The following GPS1 variants were observed in gnomAD, a reference collection of about 807,000 sequenced individuals.
GPS1 encodes the protein G protein pathway suppressor 1, also known as COP9 signalosome complex subunit 1.
A neutral mutation model predicts 60.0 loss-of-function variants in GPS1; 11 were observed. The observed-to-expected ratio is 0.18, with a 90% CI of 0.12 to 0.30. The LOEUF is 0.30. GPS1 is among the 10% of genes least tolerant of loss of function. The pLI, the probability that GPS1 is intolerant of heterozygous loss-of-function variation, is 1.00. For missense variants in GPS1, 543 were observed against 669.2 expected (o/e 0.81, Z 2.08); for synonymous variants, 343 against 269.8 (o/e 1.27, Z -2.66).
intron 3 of GPS1, 147 bp downstream of exon 3, chr17:82,054,196 G>C (rs2031916421): frequency 3.3e-6 from 3 of 901,668 alleles, no homozygotes; most frequent in Non-Finnish European, 4.9e-6. Flanking sequence ...TTGGCCAGCA[G>C]TGGAAGTGCC....
At chr17:82,052,381 G>A (rs1395842537) in intron 1 of GPS1, 26 of 1,612,184 alleles carry the variant, frequency 1.6e-5, no homozygotes, top group Non-Finnish European at 2.2e-5. Flanking sequence ...ACAGCAGTAG[G>A]TCAGACCTCG....
At chr17:82,052,309 G>A (rs2030947765) in intron 1 of GPS1, 1 of 1,612,852 alleles carries the variant, frequency 6.2e-7, no homozygotes, top group Admixed American at 1.7e-5. Context: ...AGGACAGAAT[G>A]AGGGATAGCT....
chr17:82,056,670 G>C lies in GPS1; in HGVS notation c.1158G>C (p.Ala386=), dbSNP rs751639137. The C allele has an allele frequency of 1.2e-6, 2 of 1,603,234 alleles. No individual in the cohort carries two copies. The highest frequency in any genetic ancestry group is 2.2e-5 in the South Asian group (2 of 89,830). Residue 386 remains alanine (A), a synonymous_variant, in exon 11 of 13, where the codon GCG becomes GCC. Coordinates refer to ENST00000578552, the MANE Select transcript of GPS1 (RefSeq NM_001321092.3). ...PYVSADMHRM[A]AAFNTTVAAL... is the part of the protein sequence containing the mutation. ...TGTCAGCCGACATGCATAGGATGGC[G>C]GCAGCCTTCAATACCACGGTGGCCG...
chr17:82,052,453 C>G, intron 1 of GPS1: 1 of 1,611,074 alleles, frequency 6.2e-7, no homozygotes, highest in Non-Finnish European at 8.5e-7. Flanking sequence ...GTACGCTGCT[C>G]TACGAGGTAC....
intron 1 of GPS1, chr17:82,052,716 A>G: frequency 1.9e-6 from 1 of 520,950 alleles, no homozygotes; most frequent in Non-Finnish European, 3.5e-6. Context: ...CTTTGTGTTA[A>G]GCCGAGGTCC....
intron 3 of GPS1, 24 bp from the exon 4 acceptor site, chr17:82,054,486 C>T: frequency 6.8e-7 from 1 of 1,479,284 alleles, no homozygotes; most frequent in Non-Finnish European, 8.9e-7. Flanking sequence ...CCGCCGCCAT[C>T]CTGATGGCCA....
Position 82,051,900 on chromosome 17 carries a change from T to C in GPS1, c.-32T>C. The C allele has an allele frequency of 8.6e-7, 1 of 1,156,284 alleles. No individual in the cohort carries two copies. Among genetic ancestry groups the C allele is most frequent in the East Asian group, 3.9e-5 (1 of 25,472 alleles). The allele number at this position is 1,156,284 out of a possible 1,614,324, so 71.6% of individuals were successfully genotyped here. ...AGCGACGGCTTCGCTGCCCCGGAAG[T>C]GGACGGCACGCCGCGGCGGGGTGGG... On this transcript the variant is annotated 5_prime_UTR_variant, in exon 1 of 13. Coordinates refer to ENST00000578552, the MANE Select transcript of GPS1 (RefSeq NM_001321092.3). This position sits in a 1 kb window ranked among gnomAD's most constrained non-coding sequence, Gnocchi z 4.1.
intron 2 of GPS1, 61 bp downstream of exon 2, chr17:82,053,427 C>T: frequency 8.3e-7 from 1 of 1,199,662 alleles, no homozygotes; most frequent in Middle Eastern, 2.1e-4. Context: ...CCAGGGCACA[C>T]TCCCCGCTGC....
At chr17:82,052,123 C>G in intron 1 of GPS1, 159 bp downstream of exon 1, 2 of 904,334 alleles carry the variant, frequency 2.2e-6, no homozygotes, top group Non-Finnish European at 2.9e-6. Flanking sequence ...GCTGCAGGGC[C>G]GAGGGCGCGT....
At chr17:82,052,872 C>G in intron 1 of GPS1, 1 of 247,454 alleles carries the variant, frequency 4.0e-6, no homozygotes, top group Admixed American at 5.1e-5. Flanking sequence ...CCTCCTGCCT[C>G]CTGGGGTTGA....
intron 2 of GPS1, 63 bp from the exon 3 acceptor site, chr17:82,053,805 C>T: frequency 6.6e-7 from 1 of 1,514,268 alleles, no homozygotes; most frequent in Non-Finnish European, 8.9e-7. Flanking sequence ...TCCTGACCCT[C>T]AGGGCCTGGG....
intron 3 of GPS1, 35 bp downstream of exon 3, chr17:82,054,084 C>A: frequency 6.3e-7 from 1 of 1,576,984 alleles, no homozygotes; most frequent in South Asian, 1.2e-5. Flanking sequence ...GAAGCAGAGG[C>A]CACCAAGGGA....
At chr17:82,056,137 C>T (rs752209115) in intron 8 of GPS1, 42 bp downstream of exon 8, 1 of 1,515,028 alleles carries the variant, frequency 6.6e-7, no homozygotes, top group East Asian at 2.3e-5. Flanking sequence ...TGTCCCCGTC[C>T]CTCTCCGTGG....
Position 82,057,353 on chromosome 17 carries a change from A to T in GPS1, c.*226A>T. The T allele has an allele frequency of 2.8e-6, 2 of 710,824 alleles. No homozygotes were observed. The highest frequency in any genetic ancestry group is 2.3e-4 in the Middle Eastern group (1 of 4,382). 44.0% of individuals were successfully genotyped at this position (710,824 alleles called of 1,614,324 possible). ...CTCGACCCTGTGGGTTTCTGTCCCC[A>T]GGGAGCAGACTGTGCGGCACCCAGG... On this transcript the variant is annotated 3_prime_UTR_variant, in exon 13 of 13. Coordinates refer to ENST00000578552, the MANE Select transcript of GPS1 (RefSeq NM_001321092.3).
chr17:82,052,431 G>T (rs2031021162), intron 1 of GPS1: 1 of 1,611,606 alleles, frequency 6.2e-7, no homozygotes, highest in African/African-American at 1.3e-5. Flanking sequence ...CTGAGCGCCA[G>T]CCTGTCGGCC....
chr17:82,055,188 C>T lies in GPS1; in HGVS notation c.714C>T (p.Thr238=). The T allele has an allele frequency of 6.4e-7, 1 of 1,560,690 alleles. No individual in the cohort carries two copies. The highest frequency in any genetic ancestry group is 1.2e-5 in the South Asian group (1 of 84,984). The change falls in exon 6 of 13, where the codon ACC becomes ACT. Residue 238 remains threonine, a synonymous_variant. Transcript: ENST00000578552. ...AEQRGERDSQ[T]QAILTKLKCA... is the part of the protein sequence containing the mutation. ...AGCGAGGAGAGCGTGACAGCCAGAC[C>T]CAGGCCATCCTCACCAAGCTCAAGT...
At chr17:82,053,596 A>G (rs909448250) in intron 2 of GPS1, 1 of 523,878 alleles carries the variant, frequency 1.9e-6, no homozygotes, top group Non-Finnish European at 3.3e-6. Flanking sequence ...CTCCCCGCTC[A>G]GCCTAGCGAC....
intron 2 of GPS1, 132 bp from the exon 3 acceptor site, chr17:82,053,714 AGCAGTCAGTCTCGTACCCCCAT>A (rs1316469672): frequency 4.1e-6 from 3 of 729,132 alleles, no homozygotes; most frequent in African/African-American, 1.8e-5. Flanking sequence ...CTCCTGGGAC[AGCAGTCAGTCTCGTACCCCCAT>A]GCCCGGTTCT....
At position 82,056,556 on chromosome 17, in the gene GPS1, CGTG is replaced by C. The variant is rs761701753; in HGVS notation, c.1116+8_1116+10del. On this transcript the variant is annotated splice_region_variant and intron_variant, in intron 10 of 12. Transcript: ENST00000578552. Reference sequence around the variant, plus strand: ...GCAACCGTGCCCTCATCCAGGTAAGCGTGGGGGTCAGGCTGGCACACGGCAGGC... The same window carrying C: ...GCAACCGTGCCCTCATCCAGGTAAGCGGGGTCAGGCTGGCACACGGCAGGC... 7 of 1,612,680 alleles carry C rather than the reference CGTG, an allele frequency of 4.3e-6. No homozygotes were observed. The highest frequency in any genetic ancestry group is 5.9e-6 in the Non-Finnish European group (7 of 1,179,996).
Sources: allele counts gnomAD v4.1 joint callset, GRCh38; gene constraint gnomAD v4.1.1; non-coding constraint Gnocchi (gnomAD v3.1); transcripts MANE v1.5; gene names NCBI Gene and HGNC (gene_info 2026-07-23, HGNC 2026-07-21).